The following PCBP3 variants were observed in gnomAD, a reference collection of about 807,000 sequenced individuals.
PCBP3 encodes the protein poly(rC) binding protein 3.
PCBP3 carries 25 observed loss-of-function variants against 52.7 expected under a neutral mutation model. That is an observed-to-expected ratio of 0.47 (90% CI 0.35 to 0.66). The LOEUF is 0.66. Ranked by LOEUF, PCBP3 falls within the 30% of genes least tolerant of loss-of-function variation. The pLI is 0.01. For synonymous variants in PCBP3, 162 were observed against 183.0 expected (o/e 0.89, Z 0.93); for missense variants, 391 against 490.3 (o/e 0.80, Z 1.91).
chr21:45,790,515 T>C (rs1214385314), intron 4 of PCBP3, among the ~76,000 whole-genome samples: 1 of 152,030 alleles, frequency 6.6e-6, no homozygotes, highest in Non-Finnish European at 1.5e-5. Flanking sequence ...CTCCATGATG[T>C]TTTATGCCGG....
intron 4 of PCBP3, among the ~76,000 whole-genome samples, chr21:45,825,885 CT>C (rs1569276172): frequency 6.6e-6 from 1 of 152,146 alleles, no homozygotes; most frequent in African/African-American, 2.4e-5. Context: ...ATCCAAATGA[CT>C]TTTTCCTTAT....
intron 3 of PCBP3, among the ~76,000 whole-genome samples, chr21:45,739,427 T>C (rs1416579160): frequency 8.0e-6 from 1 of 124,572 alleles, no homozygotes; most frequent in African/African-American, 3.1e-5. Flanking sequence ...CATGGCCCCC[T>C]GGATGGCCCC....
intron 5 of PCBP3, among the ~76,000 whole-genome samples, chr21:45,874,947 G>T (rs529595524): frequency 2.6e-5 from 4 of 152,206 alleles, no homozygotes; most frequent in Admixed American, 2.6e-4. Context: ...GTCCCAAACC[G>T]AGAGTGGCTG....
chr21:45,898,507 C>T (rs939607963), intron 6 of PCBP3, among the ~76,000 whole-genome samples: 5 of 151,254 alleles, frequency 3.3e-5, no homozygotes, highest in East Asian at 1.9e-4. Context: ...GCCATCCTGA[C>T]GGCCTCCCTC....
intron 5 of PCBP3, among the ~76,000 whole-genome samples, chr21:45,876,194 C>G (rs1352271875): frequency 6.6e-6 from 1 of 152,234 alleles, no homozygotes. Context: ...CCATCACAGC[C>G]AGGACAGTGT....
chr21:45,659,952 T>C (rs2080276019), intron 1 of PCBP3, among the ~76,000 whole-genome samples: 1 of 152,224 alleles, frequency 6.6e-6, no homozygotes, highest in East Asian at 1.9e-4. Flanking sequence ...AAATGTCTGC[T>C]AGGTCTAATT....
At chr21:45,671,030 A>G (rs887611608) in intron 2 of PCBP3, among the ~76,000 whole-genome samples, 4 of 152,192 alleles carry the variant, frequency 2.6e-5, no homozygotes, top group African/African-American at 7.2e-5. Flanking sequence ...TGTTGGCCCA[A>G]AAGTGACGAG....
At chr21:45,865,814 G>A (rs1189218259) in intron 5 of PCBP3, among the ~76,000 whole-genome samples, 1 of 152,224 alleles carries the variant, frequency 6.6e-6, no homozygotes, top group Non-Finnish European at 1.5e-5. Context: ...GACCTCGGCA[G>A]GGCAGGCGGC....
In PCBP3 at chr21:45,910,941, C is replaced by T. The variant is rs2096376821; in HGVS notation, c.511C>T (p.Pro171Ser). 1 of 1,611,512 alleles carries T rather than the reference C, an allele frequency of 6.2e-7. No individual in the cohort carries two copies. The change falls in exon 11 of 18, where the codon CCC (proline) becomes TCC (serine). Residue 171 changes from proline (P) to serine (S), a missense_variant. Transcript: ENST00000681687. ...GGTGCAGGTGGCTGGGGACATGCTG[C>T]CCAACTCCACGGAGCGAGCGGTGAC... ...AQVQVAGDML[P>S]NSTERAVTIS...
At chr21:45,812,794 C>G (rs562657744) in intron 4 of PCBP3, among the ~76,000 whole-genome samples, 1 of 152,296 alleles carries the variant, frequency 6.6e-6, no homozygotes, top group Admixed American at 6.5e-5. Flanking sequence ...TTTTGAAATT[C>G]TCTCTAAAAT....
rs2077495833 is a variant in PCBP3 at position 45,941,808 on chromosome 21, A to G, written c.*102A>G. 2 of 870,674 alleles carry G rather than the reference A, an allele frequency of 2.3e-6. No homozygotes were observed. The highest frequency in any genetic ancestry group is 3.5e-6 in the Non-Finnish European group (2 of 572,802). 53.9% of individuals were successfully genotyped at this position (870,674 alleles called of 1,614,324 possible). A position where few individuals can be genotyped will look rare whatever the true frequency, so the allele number is the denominator to read the frequency against. On this transcript the variant is annotated 3_prime_UTR_variant, in exon 18 of 18. Coordinates refer to ENST00000681687, the MANE Select transcript of PCBP3 (RefSeq NM_001384156.1). ...CACCTTCCCTGCCTCACAGATACCA[A>G]TAGAGAGGTTTTCTTAATTAACAAA...
chr21:45,699,934 T>G (rs1473708318), intron 2 of PCBP3, among the ~76,000 whole-genome samples: 2 of 152,176 alleles, frequency 1.3e-5, no homozygotes, highest in African/African-American at 4.8e-5. Flanking sequence ...CTCTCAAATC[T>G]CATGTCTTCA....
intron 16 of PCBP3, among the ~76,000 whole-genome samples, chr21:45,936,025 C>T (rs200842163): frequency 1.3e-5 from 2 of 152,214 alleles, no homozygotes; most frequent in Non-Finnish European, 2.9e-5. Context: ...GGTGGCTGCC[C>T]CACTTACAGC....
chr21:45,886,218 G>A (rs2095516771), intron 5 of PCBP3, among the ~76,000 whole-genome samples: 1 of 116,318 alleles, frequency 8.6e-6, no homozygotes. Context: ...AGGCCTCATT[G>A]CTGCGGGTGC....
intron 13 of PCBP3, among the ~76,000 whole-genome samples, chr21:45,927,303 C>CTCTCT (rs1603533197): frequency 2.0e-4 from 17 of 86,884 alleles, no homozygotes; most frequent in Non-Finnish European, 2.6e-4. Context: ...CTCCTCCCTC[C>CTCTCT]CCTCCCCTTC....
intron 5 of PCBP3, among the ~76,000 whole-genome samples, chr21:45,867,705 A>T (rs11909787): frequency 0.016 from 2,451 of 152,398 alleles, 80 homozygotes; most frequent in African/African-American, 0.056. Flanking sequence ...GTGGAGACGG[A>T]TAGCTGTCTC....
Position 45,875,144 on chromosome 21 carries a change from G to A in PCBP3, c.11-21064G>A, listed in dbSNP as rs972980289. Among the ~76,000 whole-genome samples, 6 of 152,312 alleles carry A rather than the reference G, an allele frequency of 3.9e-5. No individual in the cohort carries two copies. The East Asian group carries it at 9.6e-4, about 24-fold the overall frequency. The stretch of plus-strand genomic sequence containing the variant: ...GCGTCCAGCGGCAGCCAGACAGGCT[G>A]GGGGCCCCTCCATGTTGCGCGCTCC... On this transcript the variant is annotated intron_variant, in intron 5 of 17. Coordinates refer to ENST00000681687, the MANE Select transcript of PCBP3 (RefSeq NM_001384156.1).
chr21:45,699,251 A>G (rs2082965290), intron 2 of PCBP3, among the ~76,000 whole-genome samples: 1 of 152,220 alleles, frequency 6.6e-6, no homozygotes, highest in Admixed American at 6.5e-5. Context: ...CTAGAAGCTA[A>G]CAATTCCACA....
chr21:45,873,827 G>T (rs1469527876), intron 5 of PCBP3, among the ~76,000 whole-genome samples: 3 of 152,170 alleles, frequency 2.0e-5, no homozygotes. Flanking sequence ...ACAGGGTCTC[G>T]CTCTGTCACC....
Sources: gnomAD v4.1 joint callset for allele counts (sites outside exome capture counted in the v4.1 genomes callset) on GRCh38, gnomAD v4.1.1 for gene constraint, MANE v1.5 for transcripts, NCBI Gene and HGNC (gene_info 2026-07-23, HGNC 2026-07-21) for gene names.